The following MSRB3 variants were observed in gnomAD, a reference collection of about 807,000 sequenced individuals.
MSRB3 encodes the protein methionine-R-sulfoxide reductase B3.
Under a neutral mutation model 21.0 loss-of-function variants are expected in MSRB3, and 13 were observed. That is an observed-to-expected ratio of 0.62 (90% CI 0.40 to 0.98). The LOEUF is 0.98. MSRB3 is among the 50% of genes least tolerant of loss of function. The pLI is 0.00. For synonymous variants in MSRB3, 87 were observed against 88.6 expected (o/e 0.98, Z 0.10); for missense variants, 199 against 230.3 (o/e 0.86, Z 0.88).
At chr12:65,384,773 A>G (rs921846558) in intron 5 of MSRB3, among the ~76,000 whole-genome samples, 1 of 152,180 alleles carries the variant, frequency 6.6e-6, no homozygotes, top group Non-Finnish European at 1.5e-5. Context: ...TAGGTTTAAC[A>G]TAAAAGATCT....
intron 5 of MSRB3, among the ~76,000 whole-genome samples, chr12:65,407,729 G>A (rs964894273): frequency 2.0e-5 from 3 of 152,060 alleles, no homozygotes; most frequent in Admixed American, 6.6e-5. Context: ...TAGATATTCT[G>A]TTCTGTCTTT....
chr12:65,388,520 C>T (rs1879307733), intron 5 of MSRB3, among the ~76,000 whole-genome samples: 1 of 152,194 alleles, frequency 6.6e-6, no homozygotes, highest in Non-Finnish European at 1.5e-5. Context: ...ATTATTTTAT[C>T]TAAATCCACT....
intron 1 of MSRB3, among the ~76,000 whole-genome samples, chr12:65,281,495 A>T (rs1029703415): frequency 2.0e-5 from 3 of 152,112 alleles, no homozygotes; most frequent in Admixed American, 2.0e-4. Flanking sequence ...GGTGTGGTCC[A>T]GTGTTGGAGA....
chr12:65,279,117 G>T, intron 1 of MSRB3: 1 of 1,366,462 alleles, frequency 7.3e-7, no homozygotes. Context: ...GCGTCTGGCA[G>T]CCTCACTGAC....
chr12:65,454,260 C>A, intron 6 of MSRB3: 1 of 254,730 alleles, frequency 3.9e-6, no homozygotes, highest in Non-Finnish European at 7.6e-6. Context: ...TGTAGTCTAG[C>A]CTGGGAGACA....
At chr12:65,395,087 G>GA (rs1019773330) in intron 5 of MSRB3, among the ~76,000 whole-genome samples, 33 of 151,678 alleles carry the variant, frequency 2.2e-4, no homozygotes, top group African/African-American at 9.7e-5. Context: ...ACAGAAAATG[G>GA]AAAAAAAATA....
intron 4 of MSRB3, among the ~76,000 whole-genome samples, chr12:65,344,948 C>G (rs764483101): frequency 3.9e-5 from 6 of 151,962 alleles, no homozygotes; most frequent in Non-Finnish European, 8.8e-5. Context: ...TTTTAAAACT[C>G]TCCCATAATT....
At chr12:65,421,302 A>G (rs1216547063) in intron 5 of MSRB3, among the ~76,000 whole-genome samples, 1 of 151,880 alleles carries the variant, frequency 6.6e-6, no homozygotes, top group Non-Finnish European at 1.5e-5. Flanking sequence ...CCACTTTTTA[A>G]TGTGGTTGTT....
chr12:65,342,080 C>T (rs1374734232), intron 4 of MSRB3, among the ~76,000 whole-genome samples: 4 of 151,706 alleles, frequency 2.6e-5, no homozygotes, highest in East Asian at 3.9e-4. Flanking sequence ...TTGTATAACA[C>T]TGGGGTGATG....
chr12:65,363,361 T>C (rs1877819966), intron 4 of MSRB3, among the ~76,000 whole-genome samples: 1 of 152,186 alleles, frequency 6.6e-6, no homozygotes, highest in Non-Finnish European at 1.5e-5. Flanking sequence ...GGCTATTCTC[T>C]GCAAGGATAA....
At chr12:65,279,175 C>T in intron 1 of MSRB3, 2 of 871,526 alleles carry the variant, frequency 2.3e-6, no homozygotes, top group Non-Finnish European at 3.1e-6. Flanking sequence ...GAGCCTCTCG[C>T]CCCGCGCGGG....
At chr12:65,399,692 G>T (rs1010836916) in intron 5 of MSRB3, among the ~76,000 whole-genome samples, 19 of 152,138 alleles carry the variant, frequency 1.2e-4, no homozygotes, top group South Asian at 2.1e-4. Flanking sequence ...TTGTCAAAGG[G>T]AATGCTTCCA....
intron 4 of MSRB3, among the ~76,000 whole-genome samples, chr12:65,367,967 A>C (rs962198901): frequency 6.6e-6 from 1 of 152,146 alleles, no homozygotes; most frequent in Non-Finnish European, 1.5e-5. Context: ...ATCAGCTGAA[A>C]CTTTGTTTGG....
intron 1 of MSRB3, among the ~76,000 whole-genome samples, chr12:65,296,941 A>G (rs1042384923): frequency 6.6e-5 from 10 of 152,230 alleles, no homozygotes; most frequent in African/African-American, 2.2e-4. Flanking sequence ...ATCTAAATGT[A>G]TCATAAATAT....
At chr12:65,394,743 AT>A (rs1879684817) in intron 5 of MSRB3, among the ~76,000 whole-genome samples, 2 of 152,218 alleles carry the variant, frequency 1.3e-5, no homozygotes, top group Non-Finnish European at 2.9e-5. Flanking sequence ...ACCAAGTGTG[AT>A]TTATCTTAGG....
intron 5 of MSRB3, among the ~76,000 whole-genome samples, chr12:65,403,442 G>A (rs1024818400): frequency 6.6e-6 from 1 of 152,136 alleles, no homozygotes; most frequent in African/African-American, 2.4e-5. Context: ...CAGTAATGGT[G>A]GACGCCCCTC....
chr12:65,451,462 A>T (rs1271527245), intron 5 of MSRB3, among the ~76,000 whole-genome samples: 1 of 152,178 alleles, frequency 6.6e-6, no homozygotes, highest in East Asian at 1.9e-4. Context: ...GGTAGAAAAA[A>T]ATTGAGGAAG....
intron 5 of MSRB3, among the ~76,000 whole-genome samples, chr12:65,377,233 A>G (rs1006344738): frequency 6.6e-6 from 1 of 152,104 alleles, no homozygotes; most frequent in Non-Finnish European, 1.5e-5. Flanking sequence ...AAGTCTGTGA[A>G]TTTCTTAAAG....
At chr12:65,397,768 A>T (rs1047576699) in intron 5 of MSRB3, among the ~76,000 whole-genome samples, 15 of 151,638 alleles carry the variant, frequency 9.9e-5, no homozygotes, top group African/African-American at 3.6e-4. Flanking sequence ...AGCCCCCAAC[A>T]CCCTGACAGG....
Sources: allele counts gnomAD v4.1 joint callset (sites outside exome capture counted in the v4.1 genomes callset), GRCh38; gene constraint gnomAD v4.1.1; transcripts MANE v1.5; gene names NCBI Gene and HGNC (gene_info 2026-07-23, HGNC 2026-07-21).